DNER: variants seen among roughly 807,000 people sequenced by gnomAD.
The protein encoded by DNER is delta/notch like EGF repeat containing, also known as delta and Notch-like epidermal growth factor-related receptor.
DNER carries 33 observed loss-of-function variants against 78.2 expected under a neutral mutation model. The observed-to-expected ratio is 0.42, with a 90% CI of 0.32 to 0.56. The LOEUF (loss-of-function observed/expected upper bound fraction) is 0.56, where lower values mean the gene tolerates loss of function less well. Among genes scored for constraint, DNER ranks in the 20% least tolerant of loss-of-function variants. The probability of loss-of-function intolerance (pLI) is 0.11; values close to 1 mark genes in which losing one functional copy is unlikely to be tolerated. For synonymous variants in DNER, 417 were observed against 384.8 expected (o/e 1.08, Z -0.98); for missense variants, 918 against 975.3 (o/e 0.94, Z 0.78).
At chr2:229,678,405 A>G (rs1400221241) in intron 1 of DNER, among the ~76,000 whole-genome samples, 1 of 152,082 alleles carries the variant, frequency 6.6e-6, no homozygotes, top group Non-Finnish European at 1.5e-5. Context: ...TTGCATCTAG[A>G]GTCCCTCAAG....
At chr2:229,390,913 T>C (rs1693000304) in intron 10 of DNER, among the ~76,000 whole-genome samples, 2 of 152,226 alleles carry the variant, frequency 1.3e-5, no homozygotes, top group Admixed American at 6.5e-5. Context: ...TTGGGTTTAT[T>C]GTAATGGCCT....
chr2:229,562,656 G>C (rs565989568), intron 4 of DNER, among the ~76,000 whole-genome samples: 4 of 152,062 alleles, frequency 2.6e-5, no homozygotes, highest in South Asian at 2.1e-4. Flanking sequence ...ATTACACCAG[G>C]CTCTGCCACC....
At chr2:229,525,177 C>T (rs1017940631) in intron 5 of DNER, among the ~76,000 whole-genome samples, 1 of 152,218 alleles carries the variant, frequency 6.6e-6, no homozygotes, top group Admixed American at 6.5e-5. Flanking sequence ...TGTGGGCCTT[C>T]TTCTGTGCAT....
chr2:229,424,932 C>A lies in DNER; in HGVS notation c.1487-6702G>T, dbSNP rs1050916216. On this transcript the variant is annotated intron_variant, in intron 8 of 12. Coordinates refer to ENST00000341772, the MANE Select transcript of DNER (RefSeq NM_139072.4). ...CCAGGTGTAATGATTAAAAATGTCC[C>A]CATTGTCATATGTCCCCTGGAAGAC... Among the ~76,000 whole-genome samples the A allele has an allele frequency of 2.6e-5, 4 of 152,168 alleles. No individual in the cohort carries two copies. In the South Asian group the frequency reaches 6.2e-4, roughly 24 times the overall value.
chr2:229,530,302 C>T (rs546137611), intron 5 of DNER, among the ~76,000 whole-genome samples: 1 of 152,304 alleles, frequency 6.6e-6, no homozygotes, highest in African/African-American at 2.4e-5. Context: ...AATGACAGCA[C>T]TGATGTCCTA....
intron 1 of DNER, among the ~76,000 whole-genome samples, chr2:229,656,322 CAT>C (rs766852248): frequency 5.3e-5 from 8 of 152,286 alleles, no homozygotes; most frequent in East Asian, 3.9e-4. Context: ...TGGCCTTGGA[CAT>C]GTTTCTTGAC....
chr2:229,529,670 A>C (rs1696266634), intron 5 of DNER, among the ~76,000 whole-genome samples: 1 of 152,074 alleles, frequency 6.6e-6, no homozygotes, highest in Non-Finnish European at 1.5e-5. Context: ...GAATTACAAG[A>C]AAAAAAAGGT....
At chr2:229,465,080 G>A (rs1202150292) in intron 7 of DNER, among the ~76,000 whole-genome samples, 1 of 152,158 alleles carries the variant, frequency 6.6e-6, no homozygotes, top group Non-Finnish European at 1.5e-5. Flanking sequence ...CTATTACTGG[G>A]TGTATACCCA....
intron 1 of DNER, among the ~76,000 whole-genome samples, chr2:229,596,699 A>C (rs1697720503): frequency 2.0e-5 from 3 of 152,258 alleles, no homozygotes. Context: ...AGAAAATATG[A>C]TGAGAATCAA....
At position 229,418,118 on chromosome 2, in the gene DNER, T is replaced by G; in HGVS notation, c.1599A>C (p.Ala533=). Residue 533 remains alanine (A), a synonymous_variant, in exon 9 of 13, where the codon GCA becomes GCC. Transcript: ENST00000341772. The part of the protein sequence containing the change: ...LVNGYECVCL[A]EYKGTHCELY... The stretch of plus-strand genomic sequence containing the variant: ...CAGGCGGCCTCTCACCTTTGTATTC[T>G]GCCAGGCACACACACTCATAGCCAT... 7 of 1,614,200 alleles carry G rather than the reference T, an allele frequency of 4.3e-6. No individual in the cohort carries two copies. Among genetic ancestry groups the G allele is most frequent in the Non-Finnish European group, 5.9e-6 (7 of 1,179,996 alleles).
At chr2:229,428,848 CA>C (rs1252201347) in intron 8 of DNER, among the ~76,000 whole-genome samples, 3 of 151,810 alleles carry the variant, frequency 2.0e-5, no homozygotes, top group Admixed American at 2.0e-4. Context: ...AGAGCAGGAT[CA>C]GGGGAGCATG....
At chr2:229,460,486 A>G (rs2154210832) in intron 7 of DNER, among the ~76,000 whole-genome samples, 1 of 152,084 alleles carries the variant, frequency 6.6e-6, no homozygotes, top group Non-Finnish European at 1.5e-5. Context: ...ATTGGTTTTA[A>G]ATACAAACCT....
chr2:229,634,389 C>T (rs969545288), intron 1 of DNER, among the ~76,000 whole-genome samples: 17 of 152,062 alleles, frequency 1.1e-4, no homozygotes, highest in African/African-American at 3.9e-4. Flanking sequence ...ACTGTACTCT[C>T]GCCACACTAC....
intron 1 of DNER, among the ~76,000 whole-genome samples, chr2:229,662,828 T>C (rs1699030451): frequency 6.6e-6 from 1 of 152,194 alleles, no homozygotes; most frequent in African/African-American, 2.4e-5. Flanking sequence ...GGTAGACCTG[T>C]CAGAAGTGGG....
intron 4 of DNER, among the ~76,000 whole-genome samples, chr2:229,563,537 A>ATCC (rs1697014745): frequency 9.3e-6 from 1 of 107,406 alleles, no homozygotes; most frequent in Non-Finnish European, 1.8e-5. Context: ...CATCATCGTC[A>ATCC]TCACCCCATC....
At chr2:229,546,417 TAGAG>T (rs1278461671) in intron 5 of DNER, among the ~76,000 whole-genome samples, 1 of 151,824 alleles carries the variant, frequency 6.6e-6, no homozygotes, top group African/African-American at 2.4e-5. Flanking sequence ...AATTAGAAAA[TAGAG>T]AGAATCTTCT....
At chr2:229,644,132 C>T (rs545579314) in intron 1 of DNER, among the ~76,000 whole-genome samples, 1 of 152,182 alleles carries the variant, frequency 6.6e-6, no homozygotes, top group Non-Finnish European at 1.5e-5. Flanking sequence ...GATCACTACA[C>T]TTTTATTAAT....
chr2:229,637,869 T>C (rs1180035415), intron 1 of DNER, among the ~76,000 whole-genome samples: 1 of 152,238 alleles, frequency 6.6e-6, no homozygotes, highest in Non-Finnish European at 1.5e-5. Context: ...AATACCATCA[T>C]GTTTTATTTG....
chr2:229,678,331 A>T (rs531791785), intron 1 of DNER, among the ~76,000 whole-genome samples: 1 of 152,332 alleles, frequency 6.6e-6, no homozygotes, highest in Non-Finnish European at 1.5e-5. Context: ...TGAGATTCTG[A>T]TGGGATTCTA....
Sources: allele counts gnomAD v4.1 joint callset (sites outside exome capture counted in the v4.1 genomes callset), GRCh38; gene constraint gnomAD v4.1.1; transcripts MANE v1.5; gene names NCBI Gene and HGNC (gene_info 2026-07-23, HGNC 2026-07-21).